Variants in ELOVL6 observed in about 807,000 individuals in gnomAD.
ELOVL6 encodes ELOVL fatty acid elongase 6, also known as very long chain fatty acid elongase 6.
In ELOVL6, 8 loss-of-function variants were observed where a neutral mutation model predicts 31.7. The observed-to-expected ratio is 0.25, with a 90% CI of 0.15 to 0.45. The LOEUF (loss-of-function observed/expected upper bound fraction) is 0.45, where lower values mean the gene tolerates loss of function less well. Ranked by LOEUF, ELOVL6 falls within the 20% of genes least tolerant of loss-of-function variation. The probability of loss-of-function intolerance (pLI) is 1.00; values close to 1 mark genes in which losing one functional copy is unlikely to be tolerated. For missense variants in ELOVL6, 126 were observed against 326.4 expected (o/e 0.39, Z 4.73); for synonymous variants, 101 against 117.7 (o/e 0.86, Z 0.92).
At chr4:110,101,076 G>A (rs1318560126) in intron 2 of ELOVL6, among the ~76,000 whole-genome samples, 1 of 152,200 alleles carries the variant, frequency 6.6e-6, no homozygotes, top group Admixed American at 6.5e-5. Flanking sequence ...GTCTTGCTCT[G>A]TAGTCCAGGC....
intron 1 of ELOVL6, among the ~76,000 whole-genome samples, chr4:110,148,175 A>ACC (rs1171632410): frequency 2.0e-5 from 3 of 152,104 alleles, no homozygotes; most frequent in Admixed American, 2.0e-4. Flanking sequence ...GTAGGAACAG[A>ACC]CATTTTTCAA....
At chr4:110,114,480 T>C (rs1352326318) in intron 1 of ELOVL6, among the ~76,000 whole-genome samples, 1 of 152,168 alleles carries the variant, frequency 6.6e-6, no homozygotes, top group African/African-American at 2.4e-5. Context: ...ACTTCCTGGC[T>C]GATGGTCCTC....
At chr4:110,094,772 G>T (rs1756530979) in intron 2 of ELOVL6, among the ~76,000 whole-genome samples, 1 of 152,044 alleles carries the variant, frequency 6.6e-6, no homozygotes, top group Non-Finnish European at 1.5e-5. Context: ...GGTAAAGACT[G>T]ACGGAATGCA....
intron 2 of ELOVL6, among the ~76,000 whole-genome samples, chr4:110,080,169 G>A (rs1372014741): frequency 2.0e-5 from 3 of 152,192 alleles, no homozygotes; most frequent in Non-Finnish European, 4.4e-5. Context: ...GGTACAAGGA[G>A]GAGCTGGTAC....
intron 2 of ELOVL6, among the ~76,000 whole-genome samples, chr4:110,085,400 G>A (rs1484615406): frequency 1.3e-5 from 2 of 152,154 alleles, no homozygotes; most frequent in Non-Finnish European, 1.5e-5. Context: ...CCACAGTGCT[G>A]GAAAAAATAG....
At chr4:110,063,297 CTTCTCAGGTTTCCGG>C (rs1755199152) in intron 2 of ELOVL6, among the ~76,000 whole-genome samples, 1 of 152,138 alleles carries the variant, frequency 6.6e-6, no homozygotes, top group South Asian at 2.1e-4. Flanking sequence ...TCTCGAAGTA[CTTCTCAGGTTTCCGG>C]AGGCCTGCTC....
At chr4:110,088,626 T>C (rs1411039465) in intron 2 of ELOVL6, among the ~76,000 whole-genome samples, 1 of 152,222 alleles carries the variant, frequency 6.6e-6, no homozygotes, top group African/African-American at 2.4e-5. Context: ...CCTTTCACCT[T>C]TTCTCTTAAA....
At chr4:110,119,069 T>A (rs1274185345) in intron 1 of ELOVL6, among the ~76,000 whole-genome samples, 1 of 152,164 alleles carries the variant, frequency 6.6e-6, no homozygotes, top group Non-Finnish European at 1.5e-5. Flanking sequence ...AACAAATTAA[T>A]TAATTAAAAT....
chr4:110,123,780 A>T (rs1757418254), intron 1 of ELOVL6, among the ~76,000 whole-genome samples: 2 of 152,212 alleles, frequency 1.3e-5, no homozygotes, highest in Non-Finnish European at 2.9e-5. Context: ...AAAATTCAAC[A>T]TATTGAGATG....
At chr4:110,081,438 A>G (rs112688080) in intron 2 of ELOVL6, among the ~76,000 whole-genome samples, 66,694 of 151,916 alleles carry the variant, frequency 0.44, 15,287 homozygotes, top group African/African-American at 0.57. Flanking sequence ...AAATAATGCC[A>G]CATATCTACA....
chr4:110,141,435 T>C (rs1452383121), intron 1 of ELOVL6, among the ~76,000 whole-genome samples: 1 of 151,960 alleles, frequency 6.6e-6, no homozygotes, highest in Admixed American at 6.6e-5. Flanking sequence ...ATACCTACAA[T>C]GCACCTGAAA....
chr4:110,103,640 T>C (rs1756812126), intron 2 of ELOVL6, among the ~76,000 whole-genome samples: 1 of 152,102 alleles, frequency 6.6e-6, no homozygotes, highest in Non-Finnish European at 1.5e-5. Flanking sequence ...CTACAACTTA[T>C]AAGAAATAGA....
At chr4:110,136,174 T>G (rs990773829) in intron 1 of ELOVL6, among the ~76,000 whole-genome samples, 4 of 152,192 alleles carry the variant, frequency 2.6e-5, no homozygotes, top group African/African-American at 9.6e-5. Context: ...TTTCTCAAAT[T>G]CCTATTTCAC....
intron 2 of ELOVL6, among the ~76,000 whole-genome samples, chr4:110,066,318 G>C (rs1483354087): frequency 6.6e-6 from 1 of 152,048 alleles, no homozygotes. Context: ...GATGATATAG[G>C]ATTACAGTGC....
At chr4:110,082,554 T>C (rs1423107454) in intron 2 of ELOVL6, among the ~76,000 whole-genome samples, 2 of 151,230 alleles carry the variant, frequency 1.3e-5, no homozygotes, top group Non-Finnish European at 2.9e-5. Flanking sequence ...TGAGAACACA[T>C]GGACACAGGA....
Position 110,048,671 on chromosome 4 carries a change from A to G in ELOVL6, c.*2667T>C, listed in dbSNP as rs1202474569. The G allele has an allele frequency of 6.6e-6, 1 of 151,602 alleles. No individual in the cohort carries two copies. The highest frequency in any genetic ancestry group is 2.4e-5 in the African/African-American group (1 of 41,038). 9.4% of individuals were successfully genotyped at this position (151,602 alleles called of 1,614,324 possible). On this transcript the variant is annotated 3_prime_UTR_variant, in exon 4 of 4. Coordinates refer to ENST00000302274, the MANE Select transcript of ELOVL6 (RefSeq NM_024090.3). ...TAAGCTGAGATGTTAAAAACAGTGT[A>G]TTGAACCTATATTACCAAAATTTTG...
intron 2 of ELOVL6, among the ~76,000 whole-genome samples, chr4:110,072,940 G>C (rs940388334): frequency 6.6e-6 from 1 of 152,082 alleles, no homozygotes; most frequent in Non-Finnish European, 1.5e-5. Flanking sequence ...ATCACGAAAT[G>C]ATTTTGAAAA....
intron 1 of ELOVL6, among the ~76,000 whole-genome samples, chr4:110,115,916 G>C (rs1200250526): frequency 6.6e-6 from 1 of 152,112 alleles, no homozygotes; most frequent in Non-Finnish European, 1.5e-5. Flanking sequence ...GAGTCCACTT[G>C]ACATTCCTTG....
At chr4:110,158,782 T>A (rs1758548221) in intron 1 of ELOVL6, among the ~76,000 whole-genome samples, 1 of 150,832 alleles carries the variant, frequency 6.6e-6, no homozygotes, top group South Asian at 2.1e-4. Context: ...TGCCTCAGTC[T>A]CCCAAGTAGC....
Sources: gnomAD v4.1 joint callset for allele counts (sites outside exome capture counted in the v4.1 genomes callset) on GRCh38, gnomAD v4.1.1 for gene constraint, MANE v1.5 for transcripts, NCBI Gene and HGNC (gene_info 2026-07-23, HGNC 2026-07-21) for gene names.